The following ATRNL1 variants were observed in gnomAD, a reference collection of about 807,000 sequenced individuals.
The protein encoded by ATRNL1 is attractin like 1.
ATRNL1 carries 95 observed loss-of-function variants against 182.7 expected under a neutral mutation model. The observed-to-expected ratio is 0.52, with a 90% CI of 0.44 to 0.62. The LOEUF (loss-of-function observed/expected upper bound fraction) is 0.62. Among genes scored for constraint, ATRNL1 ranks in the 20% least tolerant of loss-of-function variants. The pLI, the probability that ATRNL1 is intolerant of heterozygous loss-of-function variation, is 0.00. For missense variants in ATRNL1, 1,471 were observed against 1,679.5 expected (o/e 0.88, Z 2.17); for synonymous variants, 576 against 568.3 (o/e 1.01, Z -0.19).
At chr10:115,097,081 A>C (rs1554863317) in intron 1 of ATRNL1, among the ~76,000 whole-genome samples, 1 of 152,124 alleles carries the variant, frequency 6.6e-6, no homozygotes, top group Non-Finnish European at 1.5e-5. Context: ...GATTTATATA[A>C]ATTTATATAA....
intron 21 of ATRNL1, among the ~76,000 whole-genome samples, chr10:115,458,047 A>G (rs1265268427): frequency 6.6e-6 from 1 of 152,178 alleles, no homozygotes; most frequent in Non-Finnish European, 1.5e-5. Context: ...TCTTTATACC[A>G]TAATAGAGTA....
At chr10:115,104,422 T>G (rs1843912425) in intron 1 of ATRNL1, among the ~76,000 whole-genome samples, 1 of 152,246 alleles carries the variant, frequency 6.6e-6, no homozygotes, top group African/African-American at 2.4e-5. Flanking sequence ...TTGTTTGAGC[T>G]TATTATATAA....
intron 26 of ATRNL1, among the ~76,000 whole-genome samples, chr10:115,694,728 G>T (rs1946498632): frequency 6.6e-6 from 1 of 152,012 alleles, no homozygotes; most frequent in Admixed American, 6.6e-5. Flanking sequence ...TTATAAAAAT[G>T]AAGCTTCATT....
At chr10:115,634,534 T>C (rs1858736235) in intron 26 of ATRNL1, among the ~76,000 whole-genome samples, 1 of 152,130 alleles carries the variant, frequency 6.6e-6, no homozygotes, top group African/African-American at 2.4e-5. Context: ...AATAGTCCAT[T>C]AAGCCTAATG....
At chr10:115,247,378 A>T (rs1345821634) in intron 10 of ATRNL1, among the ~76,000 whole-genome samples, 1 of 152,236 alleles carries the variant, frequency 6.6e-6, no homozygotes, top group Non-Finnish European at 1.5e-5. Context: ...TGATCTCAAC[A>T]GATATTTCTC....
chr10:115,670,887 A>C (rs554008528), intron 26 of ATRNL1, among the ~76,000 whole-genome samples: 17 of 152,278 alleles, frequency 1.1e-4, no homozygotes, highest in African/African-American at 4.1e-4. Context: ...TATAAAAATC[A>C]AATATGAGAA....
intron 26 of ATRNL1, among the ~76,000 whole-genome samples, chr10:115,653,741 T>A (rs1259771757): frequency 5.3e-5 from 8 of 152,218 alleles, no homozygotes; most frequent in Admixed American, 1.3e-4. Flanking sequence ...TCCCCAACAC[T>A]CTAAGCTCCT....
chr10:115,726,327 T>C (rs1291761238), intron 26 of ATRNL1, among the ~76,000 whole-genome samples: 5 of 152,202 alleles, frequency 3.3e-5, no homozygotes, highest in African/African-American at 4.8e-5. Context: ...TTGCCTTTCT[T>C]CAATAATACA....
chr10:115,643,561 A>G (rs2133862835), intron 26 of ATRNL1, among the ~76,000 whole-genome samples: 1 of 152,286 alleles, frequency 6.6e-6, no homozygotes, highest in South Asian at 2.1e-4. Context: ...AAGAACTTGA[A>G]TCTAAAATAT....
chr10:115,722,540 A>C (rs903230678), intron 26 of ATRNL1, among the ~76,000 whole-genome samples: 4 of 152,134 alleles, frequency 2.6e-5, no homozygotes, highest in African/African-American at 7.2e-5. Context: ...ATGATTTTTT[A>C]CTTGTATTAC....
At chr10:115,420,786 G>A (rs369075632) in intron 20 of ATRNL1, among the ~76,000 whole-genome samples, 4 of 151,842 alleles carry the variant, frequency 2.6e-5, no homozygotes, top group East Asian at 3.9e-4. Flanking sequence ...AATAAGAAAC[G>A]AAATTGACAA....
chr10:115,377,469 T>C (rs531339412), intron 19 of ATRNL1, among the ~76,000 whole-genome samples: 1 of 152,352 alleles, frequency 6.6e-6, no homozygotes, highest in South Asian at 2.1e-4. Context: ...AATGGACTAA[T>C]ACGGTTGTCT....
At chr10:115,820,838 C>T (rs1392998952) in intron 27 of ATRNL1, among the ~76,000 whole-genome samples, 4 of 152,036 alleles carry the variant, frequency 2.6e-5, no homozygotes, top group African/African-American at 7.2e-5. Context: ...GGTTTGGCTC[C>T]GTGTCCCCAC....
chr10:115,247,568 T>C (rs1308370652), intron 10 of ATRNL1, among the ~76,000 whole-genome samples: 1 of 152,154 alleles, frequency 6.6e-6, no homozygotes, highest in African/African-American at 2.4e-5. Flanking sequence ...GGAAATGTTT[T>C]TGATGGAAAT....
At chr10:115,739,818 G>A (rs2532705) in intron 27 of ATRNL1, among the ~76,000 whole-genome samples, 148,264 of 152,276 alleles carry the variant, frequency 0.97, 72,297 homozygotes, top group Middle Eastern at 1. Context: ...TTATTAGGCT[G>A]TTATTGCCTA....
chr10:115,643,316 A>G (rs1363668533), intron 26 of ATRNL1, among the ~76,000 whole-genome samples: 2 of 152,290 alleles, frequency 1.3e-5, no homozygotes. Flanking sequence ...TCACATTCAT[A>G]TACAAAAATT....
At chr10:115,142,840 G>T (rs1554878361) in intron 5 of ATRNL1, among the ~76,000 whole-genome samples, 1 of 152,092 alleles carries the variant, frequency 6.6e-6, no homozygotes, top group African/African-American at 2.4e-5. Context: ...GTCTAGATGT[G>T]GGGGGTGAGG....
At chr10:115,841,046 G>A (rs1421828044) in intron 27 of ATRNL1, among the ~76,000 whole-genome samples, 3 of 152,080 alleles carry the variant, frequency 2.0e-5, no homozygotes, top group Non-Finnish European at 4.4e-5. Context: ...ACCTAATTAA[G>A]ATAATTATTT....
intron 8 of ATRNL1, among the ~76,000 whole-genome samples, chr10:115,174,742 G>T (rs1457398450): frequency 6.6e-6 from 1 of 151,914 alleles, no homozygotes; most frequent in Non-Finnish European, 1.5e-5. Flanking sequence ...AAAAACAGGT[G>T]GTGGGCTAGA....
Sources: allele counts gnomAD v4.1 joint callset (sites outside exome capture counted in the v4.1 genomes callset), GRCh38; gene constraint gnomAD v4.1.1; transcripts MANE v1.5; gene names NCBI Gene and HGNC (gene_info 2026-07-23, HGNC 2026-07-21).